The following CABP7 variants were observed in gnomAD, a reference collection of about 807,000 sequenced individuals.
CABP7 encodes calcium-binding protein 7.
A neutral mutation model predicts 23.1 loss-of-function variants in CABP7; 13 were observed. That is an observed-to-expected ratio of 0.56 (90% CI 0.37 to 0.90). The LOEUF (loss-of-function observed/expected upper bound fraction) is 0.90. Among genes scored for constraint, CABP7 ranks in the 40% least tolerant of loss-of-function variants. The probability of loss-of-function intolerance (pLI) is 0.01; values close to 1 mark genes in which losing one functional copy is unlikely to be tolerated. For synonymous variants in CABP7, 123 were observed against 115.3 expected, an observed-to-expected ratio of 1.07 and a Z score of -0.43; for missense variants, 248 against 295.6, an observed-to-expected ratio of 0.84 and a Z score of 1.18.
chr22:29,728,955 C>G, intron 3 of CABP7, 100 bp from the exon 4 acceptor site: 1 of 1,454,210 alleles, frequency 6.9e-7, no homozygotes, highest in Non-Finnish European at 9.5e-7. Flanking sequence ...TTTTCCAGCC[C>G]CCCAGAATCT....
rs1250799850 is a variant in CABP7, at chr22:29,720,485, C to CT, written c.62dup (p.Leu22AlafsTer25). The CT allele has an allele frequency of 2.6e-6, 4 of 1,563,716 alleles. No homozygotes were observed. The highest frequency in any genetic ancestry group is 3.5e-6 in the Non-Finnish European group (4 of 1,156,354). ...CCGGGGCATCTACACCGTGCCCAAC[C>CT]TGCTGTCGGAGCAGCGCCCGGTGGA... is the stretch of plus-strand genomic sequence containing the variant. On this transcript the variant is annotated frameshift_variant, in exon 1 of 5. Coordinates refer to ENST00000216144, the MANE Select transcript of CABP7 (RefSeq NM_182527.3). LOFTEE classifies it high-confidence loss of function. This position sits in a 1 kb window ranked among gnomAD's most constrained non-coding sequence, Gnocchi z 5.2.
In CABP7 at chr22:29,728,798, GA is replaced by G. The variant is rs2147208892; in HGVS notation, c.366+57del. ...GTGCACACTGTGGAGTTCTGTTCTGGAGCCAGTGAATGGCTGGGCCCACACT... is the reference window on the plus strand; with the variant it reads ...GTGCACACTGTGGAGTTCTGTTCTGGGCCAGTGAATGGCTGGGCCCACACT... On this transcript the variant is annotated intron_variant, in intron 3 of 4. Coordinates refer to ENST00000216144, the MANE Select transcript of CABP7 (RefSeq NM_182527.3). 3.7e-6 allele frequency: 5 copies of G among 1,335,644 alleles called. 1 individual carries two copies. The highest frequency in any genetic ancestry group is 3.6e-5 in the South Asian group (3 of 84,234). The allele number at this position is 1,335,644 out of a possible 1,614,324, so 82.7% of individuals were successfully genotyped here.
chr22:29,731,480 A>C lies in CABP7; in HGVS notation c.*1911A>C, dbSNP rs2067843856. ...TCAGCTGCCTGCATGACTTTTCTGGAAGGCAGAGCCTCGAAAATAGGCAGA... is the reference window on the plus strand; with the variant it reads ...TCAGCTGCCTGCATGACTTTTCTGGCAGGCAGAGCCTCGAAAATAGGCAGA... On this transcript the variant is annotated 3_prime_UTR_variant, in exon 5 of 5. Transcript: ENST00000216144. 3.8e-6 allele frequency: 5 copies of C among 1,317,594 alleles called. No individual in the cohort carries two copies. The South Asian group carries it at 7.8e-5, about 20-fold the overall frequency. The allele number at this position is 1,317,594 out of a possible 1,614,324, so 81.6% of individuals were successfully genotyped here.
intron 4 of CABP7, 101 bp from the exon 5 acceptor site, chr22:29,729,341 C>A: frequency 4.4e-6 from 7 of 1,576,416 alleles, no homozygotes; most frequent in Non-Finnish European, 6.0e-6. Flanking sequence ...CATTGGGGCA[C>A]CCCATGGGAT....
At position 29,731,064 on chromosome 22, in the gene CABP7, C is replaced by T; in HGVS notation, c.*1495C>T. ...GAGGGGAGAGCTGCCCGGTGCAGAC[C>T]CAGGACGAGGGCTGCACTTGGTGTG... is the stretch of plus-strand genomic sequence containing the variant. On this transcript the variant is annotated 3_prime_UTR_variant, in exon 5 of 5. Coordinates refer to ENST00000216144, the MANE Select transcript of CABP7 (RefSeq NM_182527.3). 1 of 698,558 alleles carries T rather than the reference C, an allele frequency of 1.4e-6. No individual in the cohort carries two copies. Among genetic ancestry groups the T allele is most frequent in the Non-Finnish European group, 2.2e-6 (1 of 461,362 alleles). The allele number at this position is 698,558 out of a possible 1,614,324, so 43.3% of individuals were successfully genotyped here. A position where few individuals can be genotyped will look rare whatever the true frequency, so the allele number is the denominator to read the frequency against.
intron 1 of CABP7, among the ~76,000 whole-genome samples, chr22:29,721,047 C>T (rs959218679): frequency 1.3e-5 from 2 of 152,192 alleles, no homozygotes; most frequent in African/African-American, 2.4e-5. Flanking sequence ...GGGCCGCCCC[C>T]GTCCCCACCT....
At chr22:29,724,272 C>T (rs2147206255) in intron 1 of CABP7, among the ~76,000 whole-genome samples, 1 of 152,332 alleles carries the variant, frequency 6.6e-6, no homozygotes, top group South Asian at 2.1e-4. Context: ...GCCCAGGCCA[C>T]TGGGCTGCTA....
chr22:29,729,384 A>G, intron 4 of CABP7, 58 bp from the exon 5 acceptor site: 1 of 1,594,984 alleles, frequency 6.3e-7, no homozygotes, highest in African/African-American at 1.3e-5. Flanking sequence ...GCGGCTCCTG[A>G]CTCCATCGCT....
In CABP7 at chr22:29,727,437, CT is replaced by C. The variant is rs2067803893; in HGVS notation, c.110-224del. 6.6e-6 allele frequency among the ~76,000 whole-genome samples: 1 copy of C among 152,216 alleles called. No individual in the cohort carries two copies. Among genetic ancestry groups the C allele is most frequent in the African/African-American group, 2.4e-5 (1 of 41,450 alleles). ...GCAATCAGATCCCAAGAGGTCACTG[CT>C]GGGGGGCCTTGAGCCCTGCTTTACT... On this transcript the variant is annotated intron_variant, in intron 1 of 4. Coordinates refer to ENST00000216144, the MANE Select transcript of CABP7 (RefSeq NM_182527.3). The surrounding 1 kb of genome is among the most constrained non-coding windows in gnomAD (Gnocchi z 4.2).
In CABP7 at chr22:29,731,445, G is replaced by T; in HGVS notation, c.*1876G>T. 6.8e-7 allele frequency: 1 copy of T among 1,480,378 alleles called. No homozygotes were observed. Among genetic ancestry groups the T allele is most frequent in the Non-Finnish European group, 8.9e-7 (1 of 1,129,044 alleles). 91.7% of individuals were successfully genotyped at this position (1,480,378 alleles called of 1,614,324 possible). ...GCCCACCTGCCTCACCACCCTGGCT[G>T]TGGGGAGGGTCAGCTGCCTGCATGA... is the stretch of plus-strand genomic sequence containing the variant. On this transcript the variant is annotated 3_prime_UTR_variant, in exon 5 of 5. Coordinates refer to ENST00000216144, the MANE Select transcript of CABP7 (RefSeq NM_182527.3).
rs1569328695 is a variant in CABP7, at chr22:29,720,064, GC to G, written c.-359del. On this transcript the variant is annotated 5_prime_UTR_variant, in exon 1 of 5. Coordinates refer to ENST00000216144, the MANE Select transcript of CABP7 (RefSeq NM_182527.3). The surrounding 1 kb of genome is among the most constrained non-coding windows in gnomAD (Gnocchi z 5.2). ...CAGCCTGAGCGCCGGGCCGGTAGCGGCCGCGCCGGCGAGCGGACTAGCGGGC... is the reference window on the plus strand; with the variant it reads ...CAGCCTGAGCGCCGGGCCGGTAGCGGCGCGCCGGCGAGCGGACTAGCGGGC... 1 of 149,158 alleles carries G rather than the reference GC, an allele frequency of 6.7e-6. No individual in the cohort carries two copies. Among genetic ancestry groups the G allele is most frequent in the Non-Finnish European group, 1.5e-5 (1 of 66,602 alleles). 9.2% of individuals were successfully genotyped at this position (149,158 alleles called of 1,614,324 possible).
rs1293662999 is a variant in CABP7 at position 29,720,015 on chromosome 22, A to G, written c.-410A>G. On this transcript the variant is annotated 5_prime_UTR_variant, in exon 1 of 5. Coordinates refer to ENST00000216144, the MANE Select transcript of CABP7 (RefSeq NM_182527.3). This position sits in a 1 kb window ranked among gnomAD's most constrained non-coding sequence, Gnocchi z 5.2. The stretch of plus-strand genomic sequence containing the variant: ...CAGCCAGCGCGGCACAGAACGAGCG[A>G]GCGAGCGAGCGGAGAGGCGGCTACA... 6.7e-6 allele frequency: 1 copy of G among 148,606 alleles called. No individual in the cohort carries two copies. Among genetic ancestry groups the G allele is most frequent in the Non-Finnish European group, 1.5e-5 (1 of 66,406 alleles). The allele number at this position is 148,606 out of a possible 1,614,324, so 9.2% of individuals were successfully genotyped here. A position where few individuals can be genotyped will look rare whatever the true frequency, so the allele number is the denominator to read the frequency against.
rs1246233324 is a variant in CABP7 at position 29,720,238 on chromosome 22, G to T, written c.-187G>T. ...TGGGAGCCCGACGAGGGAGCGGGCGGCATGGCCCGGCGGCCCGGGGCGCGG... is the reference window on the plus strand; with the variant it reads ...TGGGAGCCCGACGAGGGAGCGGGCGTCATGGCCCGGCGGCCCGGGGCGCGG... On this transcript the variant is annotated 5_prime_UTR_variant, in exon 1 of 5. Transcript: ENST00000216144. This position sits in a 1 kb window ranked among gnomAD's most constrained non-coding sequence, Gnocchi z 5.2. 1 of 148,078 alleles carries T rather than the reference G, an allele frequency of 6.8e-6. No homozygotes were observed. Among genetic ancestry groups the T allele is most frequent in the Non-Finnish European group, 1.5e-5 (1 of 67,304 alleles). The allele number at this position is 148,078 out of a possible 1,614,324, so 9.2% of individuals were successfully genotyped here. A position where few individuals can be genotyped will look rare whatever the true frequency, so the allele number is the denominator to read the frequency against.
intron 1 of CABP7, among the ~76,000 whole-genome samples, chr22:29,721,506 A>G (rs2067761813): frequency 6.6e-6 from 1 of 151,614 alleles, no homozygotes; most frequent in Non-Finnish European, 1.5e-5. Context: ...CAAGGGGCTG[A>G]GCTCACCCAG....
intron 4 of CABP7, 82 bp downstream of exon 4, chr22:29,729,290 G>C: frequency 6.3e-7 from 1 of 1,576,398 alleles, no homozygotes; most frequent in Non-Finnish European, 8.7e-7. Flanking sequence ...AGTCTGCAGA[G>C]GGGGGCTGGG....
At chr22:29,724,943 C>T (rs1468434925) in intron 1 of CABP7, among the ~76,000 whole-genome samples, 1 of 152,206 alleles carries the variant, frequency 6.6e-6, no homozygotes, top group Non-Finnish European at 1.5e-5. Flanking sequence ...CAGCCCTGGG[C>T]TCTGGGAGCT....
intron 1 of CABP7, among the ~76,000 whole-genome samples, chr22:29,725,480 C>T (rs908093504): frequency 6.6e-6 from 1 of 152,188 alleles, no homozygotes; most frequent in Non-Finnish European, 1.5e-5. Flanking sequence ...AGGCAGGCCC[C>T]GTTCCAGGCA....
At position 29,731,377 on chromosome 22, in the gene CABP7, G is replaced by A; in HGVS notation, c.*1808G>A. ...GCCCTAGAGAGAGAGAGAGAAGCGGGGAGAATAAGAGTGCACTACAGCCCA... is the reference window on the plus strand; with the variant it reads ...GCCCTAGAGAGAGAGAGAGAAGCGGAGAGAATAAGAGTGCACTACAGCCCA... On this transcript the variant is annotated 3_prime_UTR_variant, in exon 5 of 5. Transcript: ENST00000216144. 2 of 1,542,692 alleles carry A rather than the reference G, an allele frequency of 1.3e-6. No individual in the cohort carries two copies. Among genetic ancestry groups the A allele is most frequent in the Non-Finnish European group, 1.7e-6 (2 of 1,153,916 alleles).
rs139430800 is a variant in CABP7 at position 29,729,898 on chromosome 22, C to T, written c.*329C>T. 1.6e-4 allele frequency: 50 copies of T among 320,276 alleles called. No individual in the cohort carries two copies. The highest frequency in any genetic ancestry group is 2.6e-4 in the Non-Finnish European group (45 of 171,024). The allele number at this position is 320,276 out of a possible 1,614,324, so 19.8% of individuals were successfully genotyped here. ...TGCACAGGAACCCCCAGGACCCAGTCGCTGCTGTGGTCCCTTGGGCAGGAG... is the reference window on the plus strand; with the variant it reads ...TGCACAGGAACCCCCAGGACCCAGTTGCTGCTGTGGTCCCTTGGGCAGGAG... On this transcript the variant is annotated 3_prime_UTR_variant, in exon 5 of 5. Coordinates refer to ENST00000216144, the MANE Select transcript of CABP7 (RefSeq NM_182527.3).
Sources: allele counts gnomAD v4.1 joint callset (sites outside exome capture counted in the v4.1 genomes callset), GRCh38; gene constraint gnomAD v4.1.1; non-coding constraint Gnocchi (gnomAD v3.1); transcripts MANE v1.5; gene names NCBI Gene and HGNC (gene_info 2026-07-23, HGNC 2026-07-21).